LARP4: variants seen among roughly 807,000 people sequenced by gnomAD.
LARP4 encodes the protein La ribonucleoprotein 4, also known as la-related protein 4.
A neutral mutation model predicts 92.9 loss-of-function variants in LARP4; 29 were observed. The ratio of observed to expected loss-of-function variants is 0.31; its 90% CI spans 0.23 to 0.43. The LOEUF (loss-of-function observed/expected upper bound fraction) is 0.43. Among genes scored for constraint, LARP4 ranks in the 20% least tolerant of loss-of-function variants. The pLI, the probability that LARP4 is intolerant of heterozygous loss-of-function variation, is 1.00. For missense variants in LARP4, 732 were observed against 860.0 expected, an observed-to-expected ratio of 0.85 and a Z score of 1.86; for synonymous variants, 279 against 284.1, an observed-to-expected ratio of 0.98 and a Z score of 0.18.
rs1402144654 is a variant in LARP4 at position 50,429,624 on chromosome 12, GTGTTTTTTTGTTGT to G, written c.322+553_322+566del. On this transcript the variant is annotated intron_variant, in intron 3 of 15. Coordinates refer to ENST00000398473, the MANE Select transcript of LARP4 (RefSeq NM_052879.5). ...GTTGAAGTGATATGGTAAGCAATTG[GTGTTTTTTTGTTGT>G]TGTTTTTTTGTTGTTGTTGAGAGGG... Among the ~76,000 whole-genome samples the G allele has an allele frequency of 1.6e-4, 24 of 152,162 alleles. 2 individuals carry two copies. The highest frequency in any genetic ancestry group is 1.0e-3 in the Admixed American group (16 of 15,262).
intron 8 of LARP4, among the ~76,000 whole-genome samples, chr12:50,447,758 C>T (rs997388347): frequency 4.6e-5 from 7 of 152,166 alleles, no homozygotes; most frequent in African/African-American, 1.7e-4. Flanking sequence ...GCTGTCTTCC[C>T]AGGCTGGTCT....
intron 5 of LARP4, 70 bp from the exon 6 acceptor site, chr12:50,437,665 G>A: frequency 1.2e-6 from 1 of 849,792 alleles, no homozygotes; most frequent in Non-Finnish European, 1.9e-6. Context: ...AAAATGAATA[G>A]TTTCTTTAAT....
At chr12:50,453,813 C>T (rs10128902) in intron 9 of LARP4, 141 bp downstream of exon 9, 3 of 592,922 alleles carry the variant, frequency 5.1e-6, no homozygotes, top group East Asian at 2.9e-5. Flanking sequence ...TTGTATTTTT[C>T]GTAGAGATGG....
chr12:50,475,882 CA>C lies in LARP4; in HGVS notation c.*23del. On this transcript the variant is annotated 3_prime_UTR_variant, in exon 16 of 16. Transcript: ENST00000398473. ...CAAAGTAAAAAACAACAAAACTATT[CA>C]AAAACTTCACTCTCTTCCCATTAAA... 6.3e-7 allele frequency: 1 copy of C among 1,597,982 alleles called. No individual in the cohort carries two copies. The highest frequency in any genetic ancestry group is 8.6e-7 in the Non-Finnish European group (1 of 1,168,624).
chr12:50,444,230 GCTTTTT>G (rs1951677992), intron 8 of LARP4, among the ~76,000 whole-genome samples: 2 of 138,984 alleles, frequency 1.4e-5, no homozygotes, highest in South Asian at 4.9e-4. Context: ...AATTTTGGTT[GCTTTTT>G]CTTCTTGGTG....
chr12:50,414,256 G>T (rs920444343), intron 1 of LARP4, among the ~76,000 whole-genome samples: 1 of 152,070 alleles, frequency 6.6e-6, no homozygotes, highest in Admixed American at 6.6e-5. Flanking sequence ...TAATTCTCTT[G>T]TTTAACAGTA....
At chr12:50,406,014 A>AT (rs200957786) in intron 1 of LARP4, among the ~76,000 whole-genome samples, 12 of 151,568 alleles carry the variant, frequency 7.9e-5, no homozygotes, top group South Asian at 4.2e-4. Flanking sequence ...AGATGCAATG[A>AT]TTTTTTTTTC....
chr12:50,427,990 TC>T, intron 2 of LARP4, 81 bp downstream of exon 2: 1 of 466,478 alleles, frequency 2.1e-6, no homozygotes, highest in Non-Finnish European at 3.2e-6. Flanking sequence ...TTGAGACACA[TC>T]TCTTTTTTTT....
chr12:50,457,293 G>A (rs542472447), intron 10 of LARP4, among the ~76,000 whole-genome samples: 47 of 147,326 alleles, frequency 3.2e-4, no homozygotes, highest in Admixed American at 5.6e-4. Flanking sequence ...TGCAACGTCC[G>A]TCTCCCGGGT....
chr12:50,429,145 C>A, intron 3 of LARP4, 55 bp downstream of exon 3: 1 of 1,287,876 alleles, frequency 7.8e-7, no homozygotes, highest in Non-Finnish European at 1.1e-6. Context: ...ACACCCCCCA[C>A]CCATGGTCTC....
intron 1 of LARP4, among the ~76,000 whole-genome samples, chr12:50,409,664 C>T (rs1945481326): frequency 1.3e-5 from 2 of 151,618 alleles, no homozygotes; most frequent in South Asian, 4.2e-4. Context: ...GCATAGAGGG[C>T]TGAGGCAGGA....
rs144173565 is a variant in LARP4 at position 50,442,620 on chromosome 12, ATTC to A, written c.804+980_804+982del. On this transcript the variant is annotated intron_variant, in intron 8 of 15. Transcript: ENST00000398473. ...TTCTTATTTGTAAATGTAATACATT[ATTC>A]TTACTAATCCCTCTGTGTTGAACTC... is the stretch of plus-strand genomic sequence containing the variant. Among the ~76,000 whole-genome samples, 142 of 152,340 alleles carry A rather than the reference ATTC, an allele frequency of 9.3e-4. 4 individuals are homozygous for A. In the East Asian group the frequency reaches 0.026, roughly 28 times the overall value.
chr12:50,429,132 A>T (rs145708801), intron 3 of LARP4, 42 bp downstream of exon 3: 1 of 1,439,182 alleles, frequency 6.9e-7, no homozygotes, highest in Non-Finnish European at 9.7e-7. Flanking sequence ...AATTCAGTAC[A>T]GGACACCCCC....
chr12:50,469,340 T>A (rs933542343), intron 13 of LARP4, among the ~76,000 whole-genome samples: 5 of 152,060 alleles, frequency 3.3e-5, no homozygotes, highest in Non-Finnish European at 7.4e-5. Context: ...TGCGGTGGCT[T>A]ACGCCTGTAA....
intron 1 of LARP4, chr12:50,412,549 T>G: frequency 6.1e-6 from 2 of 330,268 alleles, no homozygotes; most frequent in Non-Finnish European, 8.7e-6. Flanking sequence ...ACCTTAGGTC[T>G]GTAATTTCTT....
At chr12:50,427,562 T>C (rs918911974) in intron 1 of LARP4, among the ~76,000 whole-genome samples, 200 bp from the exon 2 acceptor site, 1 of 152,120 alleles carries the variant, frequency 6.6e-6, no homozygotes, top group Non-Finnish European at 1.5e-5. Context: ...TACCTATTTT[T>C]TATTATATAG....
At chr12:50,435,279 T>C (rs1950244749) in intron 4 of LARP4, among the ~76,000 whole-genome samples, 1 of 152,266 alleles carries the variant, frequency 6.6e-6, no homozygotes, top group African/African-American at 2.4e-5. Flanking sequence ...GTAAAAGTTA[T>C]ATTAACTAAT....
chr12:50,403,999 G>A (rs1414723430), intron 1 of LARP4, among the ~76,000 whole-genome samples: 3 of 152,056 alleles, frequency 2.0e-5, no homozygotes, highest in African/African-American at 7.2e-5. Context: ...TGAGGTGGGT[G>A]GCAAATCACC....
chr12:50,470,416 A>G (rs549582179), intron 13 of LARP4, among the ~76,000 whole-genome samples: 15 of 151,934 alleles, frequency 9.9e-5, no homozygotes, highest in South Asian at 4.2e-4. Flanking sequence ...ACACACATAT[A>G]TACTTTCTTT....
Sources: gnomAD v4.1 joint callset for allele counts (sites outside exome capture counted in the v4.1 genomes callset) on GRCh38, gnomAD v4.1.1 for gene constraint, MANE v1.5 for transcripts, NCBI Gene and HGNC (gene_info 2026-07-23, HGNC 2026-07-21) for gene names.